Variants in MALRD1 observed in about 807,000 individuals in gnomAD.
MALRD1 encodes the protein MAM and LDL receptor class A domain containing 1, also known as MAM and LDL-receptor class A domain-containing protein 1.
In MALRD1, 247 loss-of-function variants were observed where a neutral mutation model predicts 242.1. That is an observed-to-expected ratio of 1.02 (90% CI 0.92 to 1.13). The LOEUF (loss-of-function observed/expected upper bound fraction) is 1.13, where lower values mean the gene tolerates loss of function less well. Among genes scored for constraint, MALRD1 ranks in the 50% most tolerant of loss-of-function variants. MALRD1 has a pLI of 0.00. For synonymous variants in MALRD1, 995 were observed against 866.6 expected, an observed-to-expected ratio of 1.15 and a Z score of -2.60; for missense variants, 2,989 against 2,533.1, an observed-to-expected ratio of 1.18 and a Z score of -3.86.
In MALRD1 at chr10:19,209,699, A is replaced by C. The variant is rs1170388638; in HGVS notation, c.2991+19A>C. On this transcript the variant is annotated intron_variant, in intron 18 of 39. Coordinates refer to ENST00000454679, the MANE Select transcript of MALRD1 (RefSeq NM_001142308.3). Reference sequence around the variant, plus strand: ...CTTTCAGGTATGGATAATAGATTTTATAATGTACATTTGAAATGCATCTGA... The same window carrying C: ...CTTTCAGGTATGGATAATAGATTTTCTAATGTACATTTGAAATGCATCTGA... The C allele has an allele frequency of 3.3e-6, 5 of 1,510,490 alleles. No homozygotes were observed. The highest frequency in any genetic ancestry group is 3.5e-6 in the Non-Finnish European group (4 of 1,127,740). The allele number at this position is 1,510,490 out of a possible 1,614,324, so 93.6% of individuals were successfully genotyped here. A position where few individuals can be genotyped will look rare whatever the true frequency, so the allele number is the denominator to read the frequency against.
In MALRD1 at chr10:19,096,188, G is replaced by A. The variant is rs555269745; in HGVS notation, c.598-7791G>A. ...TCAAACCTTTCAAAATAACGTCCTTGTTTTGCTCAGCTTCCTATTCTCAAG... is the reference window on the plus strand; with the variant it reads ...TCAAACCTTTCAAAATAACGTCCTTATTTTGCTCAGCTTCCTATTCTCAAG... On this transcript the variant is annotated intron_variant, in intron 4 of 39. Coordinates refer to ENST00000454679, the MANE Select transcript of MALRD1 (RefSeq NM_001142308.3). 4.6e-5 allele frequency among the ~76,000 whole-genome samples: 7 copies of A among 152,200 alleles called. No homozygotes were observed. In the South Asian group the frequency reaches 1.5e-3, roughly 32 times the overall value.
chr10:19,557,636 T>C (rs1191566125), intron 32 of MALRD1, among the ~76,000 whole-genome samples: 2 of 152,272 alleles, frequency 1.3e-5, no homozygotes, highest in African/African-American at 4.8e-5. Flanking sequence ...TATCAGTGTG[T>C]CTATTCTTTC....
At chr10:19,594,868 A>G (rs769536345) in intron 33 of MALRD1, among the ~76,000 whole-genome samples, 1 of 152,096 alleles carries the variant, frequency 6.6e-6, no homozygotes, top group African/African-American at 2.4e-5. Context: ...ATAAAAGACT[A>G]TATATCGGGT....
At chr10:19,607,984 G>C (rs1008636031) in intron 35 of MALRD1, 82 bp downstream of exon 35, 3 of 1,477,514 alleles carry the variant, frequency 2.0e-6, no homozygotes, top group Middle Eastern at 1.8e-4. Context: ...AAAACTTGAG[G>C]TTCTAAACAA....
At chr10:19,250,498 A>G (rs2131781885) in intron 18 of MALRD1, among the ~76,000 whole-genome samples, 1 of 152,064 alleles carries the variant, frequency 6.6e-6, no homozygotes, top group East Asian at 1.9e-4. Context: ...GCAGAGTTTC[A>G]AGTAGCAAAC....
chr10:19,425,512 C>G (rs1402943489), intron 28 of MALRD1, among the ~76,000 whole-genome samples: 1 of 151,914 alleles, frequency 6.6e-6, no homozygotes, highest in African/African-American at 2.4e-5. Context: ...TCTTTTCTTT[C>G]CTTTTCTTTT....
rs188905375 is a variant in MALRD1 at position 19,446,223 on chromosome 10, G to A, written c.4846-4084G>A. Among the ~76,000 whole-genome samples the A allele has an allele frequency of 2.8e-3, 424 of 152,194 alleles. 2 individuals carry two copies. The highest frequency in any genetic ancestry group is 9.7e-3 in the African/African-American group (403 of 41,538). On this transcript the variant is annotated intron_variant, in intron 28 of 39. Transcript: ENST00000454679. ...GGCTAGGAAATGGAATTCCCCAGTC[G>A]CTTGTGGTTCCCGTGTGAGGTGATG...
intron 21 of MALRD1, among the ~76,000 whole-genome samples, chr10:19,302,467 G>A (rs895883803): frequency 4.0e-5 from 6 of 151,698 alleles, no homozygotes; most frequent in East Asian, 1.9e-4. Flanking sequence ...ATGGAATGAC[G>A]GACCGTTGTG....
chr10:19,159,895 TA>T (rs1465165852), intron 12 of MALRD1, among the ~76,000 whole-genome samples: 9 of 152,050 alleles, frequency 5.9e-5, no homozygotes, highest in African/African-American at 1.9e-4. Flanking sequence ...TATACATATA[TA>T]TTTTTTAAAA....
At chr10:19,544,152 T>A (rs766324508) in intron 32 of MALRD1, among the ~76,000 whole-genome samples, 1 of 152,046 alleles carries the variant, frequency 6.6e-6, no homozygotes, top group Non-Finnish European at 1.5e-5. Context: ...TTTTTATTTT[T>A]CCCCTCTACT....
At chr10:19,448,127 T>C (rs1346057059) in intron 28 of MALRD1, among the ~76,000 whole-genome samples, 1 of 152,198 alleles carries the variant, frequency 6.6e-6, no homozygotes, top group African/African-American at 2.4e-5. Context: ...ATTAGTTCCC[T>C]GAAAACACGA....
chr10:19,295,908 C>T (rs1000619680), intron 21 of MALRD1, among the ~76,000 whole-genome samples: 6 of 152,072 alleles, frequency 3.9e-5, no homozygotes, highest in Admixed American at 6.6e-5. Flanking sequence ...TAAACAAATT[C>T]CCAGGTGATG....
chr10:19,215,373 A>T (rs991722134), intron 18 of MALRD1, among the ~76,000 whole-genome samples: 2 of 152,158 alleles, frequency 1.3e-5, no homozygotes, highest in Non-Finnish European at 2.9e-5. Flanking sequence ...TGTGCTGTTG[A>T]TTATCAGTCC....
chr10:19,115,696 T>G (rs953831928), intron 5 of MALRD1, among the ~76,000 whole-genome samples: 1 of 151,994 alleles, frequency 6.6e-6, no homozygotes, highest in African/African-American at 2.4e-5. Context: ...GGCAACATGG[T>G]GAAACCCTGT....
intron 26 of MALRD1, among the ~76,000 whole-genome samples, chr10:19,372,823 A>C (rs1845437298): frequency 6.6e-6 from 1 of 152,128 alleles, no homozygotes; most frequent in South Asian, 2.1e-4. Flanking sequence ...ATTTAAATTA[A>C]AGGTAAATTT....
intron 1 of MALRD1, among the ~76,000 whole-genome samples, chr10:19,054,186 G>C (rs189827452): frequency 1.3e-5 from 2 of 152,126 alleles, no homozygotes; most frequent in East Asian, 1.9e-4. Flanking sequence ...CATTGCTTCT[G>C]TGCTGACTCA....
chr10:19,694,228 G>T (rs1008127171), intron 38 of MALRD1, among the ~76,000 whole-genome samples: 3 of 152,140 alleles, frequency 2.0e-5, no homozygotes, highest in Admixed American at 2.0e-4. Flanking sequence ...TGACAAATGG[G>T]ATCTAATTAA....
At chr10:19,462,064 C>A (rs1001688485) in intron 29 of MALRD1, among the ~76,000 whole-genome samples, 1 of 152,172 alleles carries the variant, frequency 6.6e-6, no homozygotes, top group Non-Finnish European at 1.5e-5. Flanking sequence ...CCTACTGGAA[C>A]TCCACCTTGG....
chr10:19,535,536 C>A (rs1453705568), intron 32 of MALRD1, among the ~76,000 whole-genome samples: 1 of 147,822 alleles, frequency 6.8e-6, no homozygotes. Flanking sequence ...TATGTATATA[C>A]ATATACATAT....
Sources: gnomAD v4.1 joint callset for allele counts (sites outside exome capture counted in the v4.1 genomes callset) on GRCh38, gnomAD v4.1.1 for gene constraint, MANE v1.5 for transcripts, NCBI Gene and HGNC (gene_info 2026-07-23, HGNC 2026-07-21) for gene names.